The following ANKRD26 variants were observed in gnomAD, a reference collection of about 807,000 sequenced individuals.
ANKRD26 encodes ankyrin repeat domain-containing protein 26.
Under a neutral mutation model 208.7 loss-of-function variants are expected in ANKRD26, and 141 were observed. The observed-to-expected ratio is 0.68, with a 90% confidence interval of 0.59 to 0.78. The LOEUF (loss-of-function observed/expected upper bound fraction) is 0.78. ANKRD26 is among the 30% of genes least tolerant of loss of function. ANKRD26 has a pLI of 0.00. For synonymous variants in ANKRD26, 636 were observed against 660.4 expected (o/e 0.96, Z 0.57); for missense variants, 1,889 against 1,938.7 (o/e 0.97, Z 0.48).
intron 6 of ANKRD26, among the ~76,000 whole-genome samples, chr10:27,081,477 T>A (rs2055902168): frequency 6.6e-6 from 1 of 152,150 alleles, no homozygotes; most frequent in Non-Finnish European, 1.5e-5. Flanking sequence ...GAAATTAGTT[T>A]GAATATCATA....
At chr10:27,028,585 C>CAAAAAAAAAAAAAAAAAAAAAAAAAAAA (rs11294303) in intron 27 of ANKRD26, among the ~76,000 whole-genome samples, 4 of 76,062 alleles carry the variant, frequency 5.3e-5, no homozygotes, top group South Asian at 4.7e-4. Flanking sequence ...GACTCCATCT[C>CAAAAAAAAAAAAAAAAAAAAAAAAAAAA]AAAAAAAAAA....
chr10:27,091,094 A>AAATAATAATAATAAT (rs35067345), intron 4 of ANKRD26, among the ~76,000 whole-genome samples: 1 of 151,374 alleles, frequency 6.6e-6, no homozygotes, highest in African/African-American at 2.4e-5. Flanking sequence ...ACCCTGTCTC[A>AAATAATAATAATAAT]AATAATAATA....
chr10:26,993,864 T>C (rs905448588), intron 5 of ANKRD26, among the ~76,000 whole-genome samples: 1 of 152,178 alleles, frequency 6.6e-6, no homozygotes, highest in Non-Finnish European at 1.5e-5. Context: ...TCTGTCTGCA[T>C]AATCCTGAGC....
At chr10:26,949,696 G>A in the ANKRD26 span, among the ~76,000 whole-genome samples, 1 of 152,046 alleles carries the variant, frequency 6.6e-6, no homozygotes, top group Non-Finnish European at 1.5e-5. Context: ...GTAGAGATGG[G>A]CTTTCACCAT....
At chr10:26,989,007 A>T (rs1015984304), downstream of ANKRD26, among the ~76,000 whole-genome samples, 4 of 152,166 alleles carry the variant, frequency 2.6e-5, no homozygotes, top group Admixed American at 6.5e-5. Context: ...ATGAGGACAC[A>T]GCCCCCTTTT....
chr10:27,021,025 AG>A (rs1484910821), intron 29 of ANKRD26, among the ~76,000 whole-genome samples: 1 of 152,174 alleles, frequency 6.6e-6, no homozygotes, highest in Non-Finnish European at 1.5e-5. Context: ...GTACATATGC[AG>A]GCTTGTTACT....
chr10:27,067,156 C>G lies in ANKRD26; in HGVS notation c.1207+1G>C. 6.2e-7 allele frequency: 1 copy of G among 1,612,954 alleles called. No homozygotes were observed. The highest frequency in any genetic ancestry group is 8.5e-7 in the Non-Finnish European group (1 of 1,179,402). On this transcript the variant is annotated splice_donor_variant, in intron 10 of 33. Transcript: ENST00000376087. LOFTEE classifies it high-confidence loss of function. ...ATATTCAGAGATATCCACTAACTTACCACTTCTATTATTTTTGTGCACTTC... is the reference window on the plus strand; with the variant it reads ...ATATTCAGAGATATCCACTAACTTAGCACTTCTATTATTTTTGTGCACTTC...
intron 15 of ANKRD26, among the ~76,000 whole-genome samples, chr10:27,056,834 G>T (rs978055062): frequency 6.6e-6 from 1 of 152,028 alleles, no homozygotes; most frequent in Non-Finnish European, 1.5e-5. Context: ...CCAAGCAAAG[G>T]TACTCTAGGA....
At chr10:27,034,663 A>C in intron 24 of ANKRD26, 133 bp downstream of exon 24, 1 of 574,524 alleles carries the variant, frequency 1.7e-6, no homozygotes, top group South Asian at 3.0e-5. Context: ...ATTTGCTGAA[A>C]ACAAGGGATG....
At chr10:27,082,485 T>C (rs1589359603) in intron 6 of ANKRD26, among the ~76,000 whole-genome samples, 1 of 152,292 alleles carries the variant, frequency 6.6e-6, no homozygotes, top group East Asian at 1.9e-4. Flanking sequence ...TTGATCTGAT[T>C]TGGACCTGTA....
At chr10:27,041,202 C>T (rs913657081) in intron 20 of ANKRD26, among the ~76,000 whole-genome samples, 6 of 112,810 alleles carry the variant, frequency 5.3e-5, no homozygotes, top group Admixed American at 8.9e-5. Flanking sequence ...GTCTGGTAAA[C>T]GCAAAGTAGA....
intron 20 of ANKRD26, 135 bp from the exon 21 acceptor site, chr10:27,040,313 A>C: frequency 1.5e-6 from 1 of 686,154 alleles, no homozygotes; most frequent in Non-Finnish European, 2.5e-6. Flanking sequence ...CATTAAACTA[A>C]GCTCTGAAGA....
rs917180921 is a variant in ANKRD26 at position 27,093,758 on chromosome 10, A to G, written c.284T>C (p.Val95Ala). 1.2e-6 allele frequency: 2 copies of G among 1,614,238 alleles called. No individual in the cohort carries two copies. Among genetic ancestry groups the G allele is most frequent in the South Asian group, 2.2e-5 (2 of 91,086 alleles). The change falls in exon 2 of 34, where the codon GTA becomes GCA. Residue 95 changes from valine to alanine, a missense_variant. Coordinates refer to ENST00000376087, the MANE Select transcript of ANKRD26 (RefSeq NM_014915.3). ...TTTTCTGTCCACCAGGAGAGTTACT[A>G]CTTCTGGATGACCATTGGCACAGGC... ...HLACANGHPE[V>A]VTLLVDRKCQ...
chr10:26,972,454 T>G (rs2052164043), downstream of ANKRD26, among the ~76,000 whole-genome samples: 1 of 152,002 alleles, frequency 6.6e-6, no homozygotes, highest in African/African-American at 2.4e-5. Flanking sequence ...AAGCTAAAAA[T>G]GGGCATGAAA....
chr10:27,051,559 T>G, intron 16 of ANKRD26: 4 of 985,210 alleles, frequency 4.1e-6, no homozygotes, highest in Non-Finnish European at 4.8e-6. Flanking sequence ...TTCTCATCTG[T>G]GTTAAAAACA....
At chr10:27,099,926 G>T (rs983952397) in intron 1 of ANKRD26, among the ~76,000 whole-genome samples, 159 bp downstream of exon 1, 1 of 152,182 alleles carries the variant, frequency 6.6e-6, no homozygotes, top group Non-Finnish European at 1.5e-5. Context: ...TGCTCAGAAA[G>T]GCGGCCTGGG....
At chr10:27,019,052 G>A (rs942472225) in intron 29 of ANKRD26, among the ~76,000 whole-genome samples, 5 of 152,068 alleles carry the variant, frequency 3.3e-5, no homozygotes, top group East Asian at 1.9e-4. Context: ...AGGACAAGGC[G>A]GGTGGATCAC....
chr10:27,099,956 G>T, intron 1 of ANKRD26, 129 bp downstream of exon 1: 1 of 1,462,704 alleles, frequency 6.8e-7, no homozygotes, highest in Non-Finnish European at 9.4e-7. Context: ...CCTGCAAGGT[G>T]TCACCGTCCC....
At chr10:27,010,274 A>C (rs1157583739) in intron 32 of ANKRD26, among the ~76,000 whole-genome samples, 1 of 152,192 alleles carries the variant, frequency 6.6e-6, no homozygotes, top group East Asian at 1.9e-4. Context: ...ATACCAATGG[A>C]ATATTTTTCA....
Sources: allele counts gnomAD v4.1 joint callset (sites outside exome capture counted in the v4.1 genomes callset), GRCh38; gene constraint gnomAD v4.1.1; transcripts MANE v1.5; gene names NCBI Gene and HGNC (gene_info 2026-07-23, HGNC 2026-07-21).